GSE1: variants seen among roughly 807,000 people sequenced by gnomAD.
The protein encoded by GSE1 is Gse1 coiled-coil protein.
GSE1 carries 32 observed loss-of-function variants against 112.6 expected under a neutral mutation model. That is an observed-to-expected ratio of 0.28 (90% CI 0.21 to 0.38). The LOEUF is 0.38. Among genes scored for constraint, GSE1 ranks in the 10% least tolerant of loss-of-function variants. GSE1 has a pLI of 1.00. For synonymous variants in GSE1, 1,115 were observed against 735.6 expected (o/e 1.52, Z -8.35); for missense variants, 2,348 against 1,699.2 (o/e 1.38, Z -6.71).
chr16:85,349,932 G>C (rs2046820454), intron 1 of GSE1, among the ~76,000 whole-genome samples: 2 of 152,220 alleles, frequency 1.3e-5, no homozygotes, highest in African/African-American at 4.8e-5. Context: ...GGCTCTGCCA[G>C]TGTTTACTGA....
At chr16:85,504,803 G>A (rs752472990) in intron 2 of GSE1, among the ~76,000 whole-genome samples, 5 of 152,182 alleles carry the variant, frequency 3.3e-5, no homozygotes, top group Admixed American at 6.5e-5. Context: ...AGGGGGTACA[G>A]AGCTAGGGTG....
chr16:85,590,426 C>T (rs150285830), intron 1 of GSE1, among the ~76,000 whole-genome samples: 61 of 149,414 alleles, frequency 4.1e-4, no homozygotes, highest in Non-Finnish European at 7.7e-4. Context: ...TGTGGGCCCG[C>T]GTGTGAATGA....
chr16:85,255,500 CT>C lies in GSE1; in HGVS notation c.2283+83694del, dbSNP rs543203706. Among the ~76,000 whole-genome samples the C allele has an allele frequency of 3.2e-3, 485 of 151,868 alleles. 3 individuals carry two copies. The highest frequency in any genetic ancestry group is 0.011 in the African/African-American group (472 of 41,394). On this transcript the variant is annotated intron_variant, in intron 1 of 2. Coordinates refer to the GSE1 transcript ENST00000637419. ...GATCTCAGTTCACTGCAACTTTTGC[CT>C]CCCGGGTTCAAGTGATTCTCCTGCC...
chr16:85,204,221 CAT>C (rs1314162672), intron 1 of GSE1, among the ~76,000 whole-genome samples: 4 of 152,222 alleles, frequency 2.6e-5, no homozygotes, highest in Non-Finnish European at 5.9e-5. Flanking sequence ...GGAATCATAA[CAT>C]GTGACCTTTG....
chr16:85,206,336 C>A (rs1473896751), intron 1 of GSE1, among the ~76,000 whole-genome samples: 1 of 152,158 alleles, frequency 6.6e-6, no homozygotes, highest in Non-Finnish European at 1.5e-5. Context: ...GTGGAAGGGT[C>A]TCAGCTGGGG....
intron 1 of GSE1, among the ~76,000 whole-genome samples, chr16:85,345,156 T>G (rs2046708443): frequency 1.3e-5 from 2 of 149,802 alleles, no homozygotes; most frequent in South Asian, 4.3e-4. Context: ...TGGCTGCCTG[T>G]TTTTGGATGG....
chr16:85,495,316 C>T (rs531272363), intron 2 of GSE1, among the ~76,000 whole-genome samples: 17 of 152,110 alleles, frequency 1.1e-4, no homozygotes, highest in African/African-American at 3.1e-4. Context: ...GTGGGAGTCC[C>T]GGCCTGTGGT....
In GSE1 at chr16:85,331,701, A is replaced by T. The variant is rs1449299686; in HGVS notation, c.2284-25762A>T. ...TGTGTGTGTGTATATATATATATATATATATATTTTTTTTTTTTTTTTTTT... is the reference window on the plus strand; with the variant it reads ...TGTGTGTGTGTATATATATATATATTTATATATTTTTTTTTTTTTTTTTTT... On this transcript the variant is annotated intron_variant, in intron 1 of 2. Transcript: ENST00000637419. Among the ~76,000 whole-genome samples, 246 of 74,104 alleles carry T rather than the reference A, an allele frequency of 3.3e-3. 15 individuals are homozygous for T. The highest frequency in any genetic ancestry group is 0.01 in the African/African-American group (198 of 18,904). 48.6% of individuals were successfully genotyped at this position (74,104 alleles called of 152,430 possible).
Position 85,171,912 on chromosome 16 carries a change from C to T in GSE1, c.2283+105C>T, listed in dbSNP as rs190093098. The T allele has an allele frequency of 5.1e-4, 323 of 628,836 alleles. No homozygotes were observed. In the African/African-American group the frequency reaches 6.0e-3, roughly 12 times the overall value. 39.0% of individuals were successfully genotyped at this position (628,836 alleles called of 1,614,324 possible). A position where few individuals can be genotyped will look rare whatever the true frequency, so the allele number is the denominator to read the frequency against. On this transcript the variant is annotated intron_variant, in intron 1 of 2. Transcript: ENST00000637419. Reference sequence around the variant, plus strand: ...AGAAAAACTCTGAAGGAGGAGTTTTCACTGGTTCTGTGCGGGGTGTTCCGG... The same window carrying T: ...AGAAAAACTCTGAAGGAGGAGTTTTTACTGGTTCTGTGCGGGGTGTTCCGG...
At chr16:85,421,833 G>C (rs11643982) in intron 2 of GSE1, among the ~76,000 whole-genome samples, 32,257 of 151,998 alleles carry the variant, frequency 0.21, 4,073 homozygotes, top group Admixed American at 0.29. Flanking sequence ...TGTATTTTTG[G>C]GGGGAATGGC....
In GSE1 at chr16:85,675,619, A is replaced by T. The variant is rs2053637732; in HGVS notation, c.*3080A>T. 6.6e-6 allele frequency: 1 copy of T among 152,208 alleles called. No homozygotes were observed. The highest frequency in any genetic ancestry group is 1.5e-5 in the Non-Finnish European group (1 of 68,042). 9.4% of individuals were successfully genotyped at this position (152,208 alleles called of 1,614,324 possible). ...CAGGGAATCTGCAGTTTGTAGCAGA[A>T]TGGTATTTTCCTCAAGTAGCTCATA... On this transcript the variant is annotated 3_prime_UTR_variant, in exon 16 of 16. Transcript: ENST00000253458.
At chr16:85,569,892 G>A (rs892668499) in intron 1 of GSE1, among the ~76,000 whole-genome samples, 6 of 152,170 alleles carry the variant, frequency 3.9e-5, no homozygotes, top group African/African-American at 1.4e-4. Flanking sequence ...CCTGGAGACC[G>A]CCCACCTCTG....
At chr16:85,363,380 A>G (rs74031800) in intron 2 of GSE1, among the ~76,000 whole-genome samples, 58 of 152,290 alleles carry the variant, frequency 3.8e-4, no homozygotes, top group African/African-American at 1.3e-3. Flanking sequence ...CTCCACCCAG[A>G]GATCCCTTGT....
upstream of GSE1, among the ~76,000 whole-genome samples, chr16:85,553,877 G>A (rs1272643494): frequency 1.3e-5 from 2 of 152,234 alleles, no homozygotes; most frequent in Non-Finnish European, 2.9e-5. Flanking sequence ...GCTGCATTTA[G>A]CAGGGACCCC....
chr16:85,363,825 G>T (rs1206170795), intron 2 of GSE1, among the ~76,000 whole-genome samples: 1 of 151,936 alleles, frequency 6.6e-6, no homozygotes, highest in African/African-American at 2.4e-5. Context: ...GGGTGGGTGG[G>T]AGCTGCTGCA....
At chr16:85,461,615 A>G (rs183150549) in intron 2 of GSE1, among the ~76,000 whole-genome samples, 6 of 152,172 alleles carry the variant, frequency 3.9e-5, no homozygotes, top group Non-Finnish European at 5.9e-5. Context: ...TTGACTTGTC[A>G]TAAGAATCGC....
chr16:85,544,305 G>A (rs1215571084), intron 2 of GSE1, among the ~76,000 whole-genome samples: 1 of 152,192 alleles, frequency 6.6e-6, no homozygotes, highest in Non-Finnish European at 1.5e-5. Context: ...CTGTGCCCAT[G>A]CTTTGTAAGT....
intron 1 of GSE1, among the ~76,000 whole-genome samples, chr16:85,216,653 T>C (rs2075310887): frequency 6.6e-6 from 1 of 152,170 alleles, no homozygotes; most frequent in African/African-American, 2.4e-5. Flanking sequence ...ACAGGGAGGT[T>C]AAGCTGTTTT....
intron 2 of GSE1, among the ~76,000 whole-genome samples, chr16:85,643,038 C>T (rs1386280087): frequency 6.6e-6 from 1 of 152,118 alleles, no homozygotes; most frequent in African/African-American, 2.4e-5. Flanking sequence ...TGGGCCTGAG[C>T]CTGGGTGGCT....
Sources: gnomAD v4.1 joint callset for allele counts (sites outside exome capture counted in the v4.1 genomes callset) on GRCh38, gnomAD v4.1.1 for gene constraint, MANE v1.5 for transcripts, NCBI Gene and HGNC (gene_info 2026-07-23, HGNC 2026-07-21) for gene names.